Variants in ZNF718 observed in about 807,000 individuals in gnomAD.
ZNF718 encodes zinc finger protein 718.
Under a neutral mutation model 2.6 loss-of-function variants are expected in ZNF718, and 3 were observed. The ratio of observed to expected loss-of-function variants is 1.16; its 90% CI spans 0.53 to 3.01. The LOEUF is 3.01. Ranked by LOEUF, ZNF718 falls within the 30% of genes most tolerant of loss-of-function variation. The pLI, the probability that ZNF718 is intolerant of heterozygous loss-of-function variation, is 0.03. For synonymous variants in ZNF718, 135 were observed against 77.9 expected, an observed-to-expected ratio of 1.73 and a Z score of -3.86; for missense variants, 468 against 230.0, an observed-to-expected ratio of 2.03 and a Z score of -6.69.
intron 3 of ZNF718, among the ~76,000 whole-genome samples, chr4:141,095 T>G (rs1449923924): frequency 6.6e-6 from 1 of 152,180 alleles, no homozygotes; most frequent in Non-Finnish European, 1.5e-5. Context: ...GATTTTTTGT[T>G]TTTTAGGGTT....
intron 3 of ZNF718, among the ~76,000 whole-genome samples, chr4:174,765 CAAAT>C (rs1333514837): frequency 2.0e-5 from 3 of 152,268 alleles, no homozygotes; most frequent in East Asian, 3.9e-4. Flanking sequence ...AGGCCCTTCT[CAAAT>C]AAATTATCTC....
chr4:169,184 G>C (rs1330852665), intron 3 of ZNF718, among the ~76,000 whole-genome samples: 15 of 152,182 alleles, frequency 9.9e-5, no homozygotes, highest in African/African-American at 3.4e-4. Flanking sequence ...TCTTAATCCT[G>C]AGTTCTAGTT....
At chr4:177,982 C>A (rs374830009) in intron 3 of ZNF718, among the ~76,000 whole-genome samples, 1 of 151,988 alleles carries the variant, frequency 6.6e-6, no homozygotes, top group South Asian at 2.1e-4. Flanking sequence ...ACGGGAAATA[C>A]CTGTGAAGAA....
intron 3 of ZNF718, among the ~76,000 whole-genome samples, chr4:199,196 A>G (rs569118973): frequency 6.6e-6 from 1 of 152,352 alleles, no homozygotes; most frequent in South Asian, 2.1e-4. Context: ...TAAAAGGGGC[A>G]TAATAACTGT....
At chr4:169,452 G>A (rs1301727145) in intron 3 of ZNF718, among the ~76,000 whole-genome samples, 1 of 152,088 alleles carries the variant, frequency 6.6e-6, no homozygotes, top group African/African-American at 2.4e-5. Flanking sequence ...ACAGTGGGGT[G>A]TTAAAGTCTC....
chr4:151,103 ATTAAT>A (rs1403309051), intron 3 of ZNF718, among the ~76,000 whole-genome samples: 2 of 151,902 alleles, frequency 1.3e-5, no homozygotes, highest in East Asian at 1.9e-4. Context: ...TTTTTAATTA[ATTAAT>A]TTATTTATTT....
intron 1 of ZNF718, among the ~76,000 whole-genome samples, chr4:126,324 T>C (rs573596970): frequency 6.6e-6 from 1 of 152,356 alleles, no homozygotes; most frequent in South Asian, 2.1e-4. Flanking sequence ...TCTTAAAGCA[T>C]TTAGGTGGAA....
chr4:133,196 ATATATATATATATATATAT>A lies in ZNF718; in HGVS notation c.226+1692_226+1710del, dbSNP rs1449038339. Among the ~76,000 whole-genome samples, 30 of 16,540 alleles carry A rather than the reference ATATATATATATATATATAT, an allele frequency of 1.8e-3. 9 individuals carry two copies. The highest frequency in any genetic ancestry group is 9.2e-3 in the African/African-American group (28 of 3,052). The allele number at this position is 16,540 out of a possible 152,430, so 10.9% of individuals were successfully genotyped here. A position where few individuals can be genotyped will look rare whatever the true frequency, so the allele number is the denominator to read the frequency against. The stretch of plus-strand genomic sequence containing the variant: ...CCATCTTAAAAAAAAAAAAAAAAAA[ATATATATATATATATATAT>A]ATATATATATATATGGTAACACTAA... On this transcript the variant is annotated intron_variant, in intron 3 of 3. Coordinates refer to ENST00000510175, the MANE Select transcript of ZNF718 (RefSeq NM_001039127.6).
At position 124,508 on chromosome 4, in the gene ZNF718, G is replaced by A. The variant is rs188807552; in HGVS notation, c.-163G>A. Reference sequence around the variant, plus strand: ...GCATCCGGGATCTGGCGCGGCTTTTGCTTGTAGCTCCAGCCAGAGCTCGGT... The same window carrying A: ...GCATCCGGGATCTGGCGCGGCTTTTACTTGTAGCTCCAGCCAGAGCTCGGT... On this transcript the variant is annotated 5_prime_UTR_variant, in exon 1 of 4. Transcript: ENST00000510175. The A allele has an allele frequency of 1.3e-5, 13 of 988,460 alleles. No individual in the cohort carries two copies. In the East Asian group the frequency reaches 3.1e-4, roughly 24 times the overall value. The allele number at this position is 988,460 out of a possible 1,614,324, so 61.2% of individuals were successfully genotyped here. A position where few individuals can be genotyped will look rare whatever the true frequency, so the allele number is the denominator to read the frequency against.
Position 161,016 on chromosome 4 carries a change from T to G in ZNF718, c.331T>G (p.Leu111Val). Residue 111 changes from leucine (L) to valine (V), a missense_variant, in exon 4 of 4, where the codon TTA becomes GTA. Transcript: ENST00000510175. ...KGHEKRGHENLRKTCKSINEC... is the reference protein window; with the variant it reads ...KGHEKRGHENVRKTCKSINEC... ...ACATGAGAAACGTGGACATGAGAAT[T>G]TAAGAAAAACTTGTAAAAGTATAAA... 1.3e-6 allele frequency: 1 copy of G among 780,924 alleles called. No individual in the cohort carries two copies. 48.4% of individuals were successfully genotyped at this position (780,924 alleles called of 1,614,324 possible). A position where few individuals can be genotyped will look rare whatever the true frequency, so the allele number is the denominator to read the frequency against.
Position 127,298 on chromosome 4 carries a change from A to G in ZNF718, c.3+2625A>G, listed in dbSNP as rs1489900173. Among the ~76,000 whole-genome samples, 6 of 104,624 alleles carry G rather than the reference A, an allele frequency of 5.7e-5. 2 individuals carry two copies. Among genetic ancestry groups the G allele is most frequent in the African/African-American group, 2.0e-4 (6 of 30,132 alleles). The allele number at this position is 104,624 out of a possible 152,430, so 68.6% of individuals were successfully genotyped here. On this transcript the variant is annotated intron_variant, in intron 1 of 3. Transcript: ENST00000510175. ...GGTGCTCCCCAAATCTGCAAACAAA[A>G]TAGTCTCTCTATTTGGGATCTACAG...
At chr4:166,561 A>G (rs1717092283), downstream of ZNF718, among the ~76,000 whole-genome samples, 1 of 152,216 alleles carries the variant, frequency 6.6e-6, no homozygotes, top group African/African-American at 2.4e-5. Context: ...GTGAGGTGGT[A>G]TCTCATTGTG....
At chr4:155,405 G>A (rs1716526270) in intron 3 of ZNF718, among the ~76,000 whole-genome samples, 1 of 152,180 alleles carries the variant, frequency 6.6e-6, no homozygotes, top group Admixed American at 6.5e-5. Context: ...GAGACTGACT[G>A]TACCCTGCAA....
At position 196,482 on chromosome 4, in the gene ZNF718, G is replaced by A. The variant is rs370357262; in HGVS notation, c.227-4599G>A. ...CTGAACCATTAGTGCCTAGGAGGCA[G>A]GGATCAGAGGAAATAGATACAGAGG... On this transcript the variant is annotated intron_variant and NMD_transcript_variant, in intron 3 of 4. Transcript: ENST00000642529. 1.6e-4 allele frequency among the ~76,000 whole-genome samples: 25 copies of A among 152,306 alleles called. No individual in the cohort carries two copies. The South Asian group carries it at 5.0e-3, about 30-fold the overall frequency.
At chr4:159,025 C>CT (rs1335298774) in intron 3 of ZNF718, among the ~76,000 whole-genome samples, 1,830 of 145,930 alleles carry the variant, frequency 0.013, 48 homozygotes, top group African/African-American at 0.043. Flanking sequence ...AGGAGCTATT[C>CT]TTTTTTTCTT....
chr4:189,059 AT>A (rs1228743332), intron 3 of ZNF718, among the ~76,000 whole-genome samples: 2,183 of 134,726 alleles, frequency 0.016, 21 homozygotes, highest in African/African-American at 0.055. Context: ...TCTGTAGATT[AT>A]TTTTTTTTTT....
intron 3 of ZNF718, among the ~76,000 whole-genome samples, chr4:135,113 G>A (rs11725979): frequency 0.14 from 21,403 of 151,794 alleles, 1,957 homozygotes; most frequent in Admixed American, 0.24. Context: ...GTGGTGGCAC[G>A]CGCCTGTAGT....
At chr4:172,115 C>A (rs1468501132) in intron 3 of ZNF718, among the ~76,000 whole-genome samples, 1 of 152,128 alleles carries the variant, frequency 6.6e-6, no homozygotes, top group African/African-American at 2.4e-5. Flanking sequence ...AGTCACCATG[C>A]TGTACAATAA....
Position 161,420 on chromosome 4 carries a change from T to C in ZNF718, c.735T>C (p.His245=), listed in dbSNP as rs1553815091. 2.6e-6 allele frequency: 2 copies of C among 780,438 alleles called. No homozygotes were observed. The highest frequency in any genetic ancestry group is 3.4e-5 in the Admixed American group (2 of 58,948). The allele number at this position is 780,438 out of a possible 1,614,324, so 48.3% of individuals were successfully genotyped here. A position where few individuals can be genotyped will look rare whatever the true frequency, so the allele number is the denominator to read the frequency against. ...GFTRSSHLTK[H]KRIHTGEKPY... ...CTCGGTCCTCACACCTTACTAAACA[T>C]AAGAGAATTCATACTGGAGAGAAAC... Residue 245 remains histidine, a synonymous_variant, in exon 4 of 4, where the codon CAT becomes CAC. Coordinates refer to ENST00000510175, the MANE Select transcript of ZNF718 (RefSeq NM_001039127.6).
Sources: gnomAD v4.1 joint callset for allele counts (sites outside exome capture counted in the v4.1 genomes callset) on GRCh38, gnomAD v4.1.1 for gene constraint, MANE v1.5 for transcripts, NCBI Gene and HGNC (gene_info 2026-07-23, HGNC 2026-07-21) for gene names.